STK32B: variants seen among roughly 807,000 people sequenced by gnomAD.
STK32B encodes serine/threonine-protein kinase 32B.
STK32B carries 43 observed loss-of-function variants against 52.6 expected under a neutral mutation model. That is an observed-to-expected ratio of 0.82 (90% CI 0.64 to 1.05). STK32B has a LOEUF of 1.05. Among genes scored for constraint, STK32B ranks in the 50% least tolerant of loss-of-function variants. STK32B has a pLI of 0.00. For missense variants in STK32B, 621 were observed against 534.6 expected (o/e 1.16, Z -1.59); for synonymous variants, 238 against 204.3 (o/e 1.17, Z -1.41).
intron 3 of STK32B, among the ~76,000 whole-genome samples, chr4:5,264,275 G>A (rs1166667772): frequency 1.3e-5 from 2 of 152,170 alleles, no homozygotes; most frequent in East Asian, 3.9e-4. Flanking sequence ...TAGAGTTCTG[G>A]TTACTCCATA....
chr4:5,431,593 C>G (rs979345970), intron 6 of STK32B, among the ~76,000 whole-genome samples: 1 of 151,926 alleles, frequency 6.6e-6, no homozygotes, highest in African/African-American at 2.4e-5. Context: ...TATTTCTGCC[C>G]TTTATCAGAG....
intron 3 of STK32B, among the ~76,000 whole-genome samples, chr4:5,267,050 G>A (rs1727098867): frequency 6.6e-6 from 1 of 152,182 alleles, no homozygotes; most frequent in Admixed American, 6.5e-5. Flanking sequence ...TAGGACCTGG[G>A]AGGTGAATTC....
At chr4:5,213,922 C>T (rs551625722) in intron 3 of STK32B, among the ~76,000 whole-genome samples, 26 of 152,184 alleles carry the variant, frequency 1.7e-4, no homozygotes, top group Non-Finnish European at 2.8e-4. Flanking sequence ...TTTGAAAAAC[C>T]GCTCCCAATC....
intron 4 of STK32B, among the ~76,000 whole-genome samples, chr4:5,345,906 C>T (rs1577376558): frequency 6.6e-6 from 1 of 152,318 alleles, no homozygotes; most frequent in African/African-American, 2.4e-5. Flanking sequence ...ATTCAACATC[C>T]TCCCTCCCTG....
chr4:5,122,047 C>T (rs560953503), intron 1 of STK32B, among the ~76,000 whole-genome samples: 1 of 152,128 alleles, frequency 6.6e-6, no homozygotes, highest in Non-Finnish European at 1.5e-5. Flanking sequence ...CATTCATTCA[C>T]TCGCTCATTC....
intron 4 of STK32B, among the ~76,000 whole-genome samples, chr4:5,370,811 A>C (rs528857010): frequency 2.0e-5 from 3 of 151,976 alleles, no homozygotes; most frequent in Non-Finnish European, 4.4e-5. Flanking sequence ...ACAAAAAATA[A>C]AAATAAAAAA....
In STK32B at chr4:5,380,158, C is replaced by G. The variant is rs1216774975; in HGVS notation, c.435-18049C>G. Reference sequence around the variant, plus strand: ...TTATTCTGGTGAAGCCGCTCCTAACCAGACCCATCCTGCAGCTGGCTGTAA... The same window carrying G: ...TTATTCTGGTGAAGCCGCTCCTAACGAGACCCATCCTGCAGCTGGCTGTAA... On this transcript the variant is annotated intron_variant, in intron 4 of 11. Transcript: ENST00000282908. The surrounding 1 kb of genome is among the most constrained non-coding windows in gnomAD (Gnocchi z 4.3). 6.6e-6 allele frequency among the ~76,000 whole-genome samples: 1 copy of G among 152,198 alleles called. No individual in the cohort carries two copies. Among genetic ancestry groups the G allele is most frequent in the African/African-American group, 2.4e-5 (1 of 41,450 alleles).
At chr4:5,382,927 A>G (rs997744771) in intron 4 of STK32B, among the ~76,000 whole-genome samples, 2 of 152,188 alleles carry the variant, frequency 1.3e-5, no homozygotes, top group Admixed American at 1.3e-4. Context: ...TCCAGTGTCA[A>G]CAGCCAGGGC....
intron 2 of STK32B, among the ~76,000 whole-genome samples, chr4:5,147,561 T>G (rs1366438715): frequency 6.6e-6 from 1 of 152,044 alleles, no homozygotes; most frequent in East Asian, 1.9e-4. Flanking sequence ...ACCTGTAAGT[T>G]TTTCAGAGAT....
chr4:5,129,085 A>G (rs982484996), intron 1 of STK32B, among the ~76,000 whole-genome samples: 2 of 152,202 alleles, frequency 1.3e-5, no homozygotes, highest in South Asian at 2.1e-4. Context: ...AGTCATGTCC[A>G]TAAGTTATGG....
chr4:5,268,404 CCTT>C (rs1023627087), intron 3 of STK32B, among the ~76,000 whole-genome samples: 2 of 152,134 alleles, frequency 1.3e-5, no homozygotes, highest in Non-Finnish European at 1.5e-5. Flanking sequence ...GCCGCTTTCT[CCTT>C]ATCATTCAGC....
At chr4:5,135,216 TATTA>T (rs1242612782) in intron 1 of STK32B, among the ~76,000 whole-genome samples, 2 of 152,264 alleles carry the variant, frequency 1.3e-5, no homozygotes, top group Non-Finnish European at 2.9e-5. Context: ...GCTTAACCTT[TATTA>T]ATTAAGATAC....
chr4:5,320,439 C>T (rs1392345570), intron 3 of STK32B, among the ~76,000 whole-genome samples: 5 of 152,178 alleles, frequency 3.3e-5, no homozygotes, highest in Non-Finnish European at 4.4e-5. Flanking sequence ...TTGGCAATTT[C>T]ACATGGCTTA....
chr4:5,388,352 A>G (rs925673579), intron 4 of STK32B, among the ~76,000 whole-genome samples: 12 of 152,192 alleles, frequency 7.9e-5, no homozygotes, highest in Non-Finnish European at 1.8e-4. Context: ...GGCAACTTCT[A>G]TATCCTAGGA....
At chr4:5,261,107 C>T (rs1726682598) in intron 3 of STK32B, among the ~76,000 whole-genome samples, 1 of 152,146 alleles carries the variant, frequency 6.6e-6, no homozygotes, top group Non-Finnish European at 1.5e-5. Flanking sequence ...CTCTCAGTAC[C>T]TCCAGCAGCT....
At chr4:5,196,164 G>C (rs1422367516) in intron 3 of STK32B, among the ~76,000 whole-genome samples, 1 of 152,048 alleles carries the variant, frequency 6.6e-6, no homozygotes, top group South Asian at 2.1e-4. Flanking sequence ...TGGTGTTCTT[G>C]CTCTGCGTTC....
intron 5 of STK32B, among the ~76,000 whole-genome samples, chr4:5,402,556 G>A (rs1354966353): frequency 6.6e-6 from 1 of 152,252 alleles, no homozygotes; most frequent in African/African-American, 2.4e-5. Context: ...AGTGACCACA[G>A]AAGGCAGAGT....
chr4:5,302,231 T>C (rs934136751), intron 3 of STK32B, among the ~76,000 whole-genome samples: 13 of 151,754 alleles, frequency 8.6e-5, no homozygotes, highest in East Asian at 7.7e-4. Context: ...TCACAAAGAA[T>C]TATATATGCT....
intron 6 of STK32B, among the ~76,000 whole-genome samples, chr4:5,439,454 GTTTT>G (rs1220467081): frequency 6.6e-6 from 1 of 151,668 alleles, no homozygotes; most frequent in Non-Finnish European, 1.5e-5. Flanking sequence ...GGGGTTGTTT[GTTTT>G]TTTCTTGTAA....
Sources: gnomAD v4.1 joint callset for allele counts (sites outside exome capture counted in the v4.1 genomes callset) on GRCh38, gnomAD v4.1.1 for gene constraint, Gnocchi (gnomAD v3.1) non-coding constraint, MANE v1.5 for transcripts, NCBI Gene and HGNC (gene_info 2026-07-23, HGNC 2026-07-21) for gene names.